Variants in SIRPA observed in about 807,000 individuals in gnomAD.
SIRPA encodes the protein signal regulatory protein alpha.
Under a neutral mutation model 50.3 loss-of-function variants are expected in SIRPA, and 9 were observed. The ratio of observed to expected loss-of-function variants is 0.18; its 90% CI spans 0.11 to 0.31. The LOEUF is 0.31. SIRPA is among the 10% of genes least tolerant of loss of function. The pLI is 1.00. For missense variants in SIRPA, 474 were observed against 661.6 expected (o/e 0.72, Z 3.11); for synonymous variants, 265 against 284.1 (o/e 0.93, Z 0.68).
rs1274671549 is a variant in SIRPA at position 1,940,592 on chromosome 20, A to G, written c.*3024A>G. 3.3e-5 allele frequency: 5 copies of G among 152,206 alleles called. No homozygotes were observed. The highest frequency in any genetic ancestry group is 7.2e-5 in the African/African-American group (3 of 41,454). The allele number at this position is 152,206 out of a possible 1,614,324, so 9.4% of individuals were successfully genotyped here. ...ATAAAGTTAAGGCATAAATATGTTA[A>G]TATTTAGTGGTTACTATGTGTCAAC... On this transcript the variant is annotated 3_prime_UTR_variant, in exon 8 of 8. Coordinates refer to ENST00000358771, the MANE Select transcript of SIRPA (RefSeq NM_001040023.2).
In SIRPA at chr20:1,940,099, G is replaced by A. The variant is rs1986792889; in HGVS notation, c.*2531G>A. The A allele has an allele frequency of 6.6e-6, 1 of 152,244 alleles. No individual in the cohort carries two copies. The highest frequency in any genetic ancestry group is 2.1e-4 in the South Asian group (1 of 4,826). 9.4% of individuals were successfully genotyped at this position (152,244 alleles called of 1,614,324 possible). A position where few individuals can be genotyped will look rare whatever the true frequency, so the allele number is the denominator to read the frequency against. ...GCTCAGAAGGAGCCGGTGTAAGGTT[G>A]AGATAAAATTCCATATAGACAACTG... On this transcript the variant is annotated 3_prime_UTR_variant, in exon 8 of 8. Transcript: ENST00000358771.
At position 1,927,927 on chromosome 20, in the gene SIRPA, T is replaced by G. The variant is rs781001855; in HGVS notation, c.1226+28T>G. On this transcript the variant is annotated intron_variant, in intron 6 of 7. Transcript: ENST00000358771. This position sits in a 1 kb window ranked among gnomAD's most constrained non-coding sequence, Gnocchi z 6.5. ...AAGTGCATCATTGGTCCAGACCCTC[T>G]TGCAGTTATTATTTGGTTATTTGAC... 3.7e-6 allele frequency: 6 copies of G among 1,605,262 alleles called. No individual in the cohort carries two copies. The South Asian group carries it at 6.6e-5, about 18-fold the overall frequency.
In SIRPA at chr20:1,927,205, T is replaced by G. The variant is rs1986031778; in HGVS notation, c.1202-670T>G. ...TGCATTTGGGTGTGCATGTTGCTTTTTAATTACAATTTTACAGCAAAATGG... is the reference window on the plus strand; with the variant it reads ...TGCATTTGGGTGTGCATGTTGCTTTGTAATTACAATTTTACAGCAAAATGG... On this transcript the variant is annotated intron_variant, in intron 5 of 7. Transcript: ENST00000358771. The surrounding 1 kb of genome is among the most constrained non-coding windows in gnomAD (Gnocchi z 6.5). 6.6e-6 allele frequency among the ~76,000 whole-genome samples: 1 copy of G among 152,216 alleles called. No homozygotes were observed. The highest frequency in any genetic ancestry group is 2.1e-4 in the South Asian group (1 of 4,826).
In SIRPA at chr20:1,936,357, T is replaced by C. The variant is rs1019992891; in HGVS notation, c.1267-963T>C. 6.6e-6 allele frequency among the ~76,000 whole-genome samples: 1 copy of C among 152,220 alleles called. No homozygotes were observed. Among genetic ancestry groups the C allele is most frequent in the Non-Finnish European group, 1.5e-5 (1 of 68,040 alleles). On this transcript the variant is annotated intron_variant, in intron 7 of 7. Coordinates refer to ENST00000358771, the MANE Select transcript of SIRPA (RefSeq NM_001040023.2). This position sits in a 1 kb window ranked among gnomAD's most constrained non-coding sequence, Gnocchi z 4.2. ...CAGATGCTCAATAGGTACCAGGCTC[T>C]GTTCTAAACGCTTTACCTGGATAAT...
chr20:1,909,742 A>G (rs1984775174), intron 1 of SIRPA, among the ~76,000 whole-genome samples: 1 of 152,202 alleles, frequency 6.6e-6, no homozygotes, highest in South Asian at 2.1e-4. Context: ...AGATTGTGCC[A>G]TTGCACTCCA....
rs193151334 is a variant in SIRPA, at chr20:1,904,766, C to T, written c.79+9240C>T. ...CAGCCTCAGTTTCCCCTTCTGTGAC[C>T]GGGAGGCTTGGCTCGGCTCCTCTCT... is the stretch of plus-strand genomic sequence containing the variant. On this transcript the variant is annotated intron_variant, in intron 1 of 7. Coordinates refer to ENST00000358771, the MANE Select transcript of SIRPA (RefSeq NM_001040023.2). Among the ~76,000 whole-genome samples the T allele has an allele frequency of 5.7e-3, 866 of 152,266 alleles. 3 individuals carry two copies. Among genetic ancestry groups the T allele is most frequent in the Middle Eastern group, 0.02 (6 of 294 alleles).
chr20:1,933,704 A>G lies in SIRPA; in HGVS notation c.1227-1011A>G, dbSNP rs1568514629. On this transcript the variant is annotated intron_variant, in intron 6 of 7. Transcript: ENST00000358771. This position sits in a 1 kb window ranked among gnomAD's most constrained non-coding sequence, Gnocchi z 4.4. ...AGCACTCATGCCAAATCCATTAATA[A>G]CCCTGCTGCCAAGCCCCACTGCTCA... Among the ~76,000 whole-genome samples the G allele has an allele frequency of 6.6e-6, 1 of 152,038 alleles. No individual in the cohort carries two copies.
intron 3 of SIRPA, 68 bp from the exon 4 acceptor site, chr20:1,922,245 C>G: frequency 6.3e-7 from 1 of 1,596,812 alleles, no homozygotes. Context: ...GGGGGAGCTA[C>G]GTTATGGAGC....
intron 3 of SIRPA, 117 bp from the exon 4 acceptor site, chr20:1,922,196 G>T: frequency 1.6e-6 from 2 of 1,277,548 alleles, no homozygotes; most frequent in East Asian, 2.5e-5. Flanking sequence ...AGCACCTGAT[G>T]CCTGCCTAGC....
chr20:1,895,806 GC>G (rs1394766010), intron 1 of SIRPA, among the ~76,000 whole-genome samples: 1 of 152,214 alleles, frequency 6.6e-6, no homozygotes, highest in Non-Finnish European at 1.5e-5. Flanking sequence ...GAGCCGAGTT[GC>G]TTCACTCAGC....
At chr20:1,930,104 G>A (rs912927208) in intron 6 of SIRPA, among the ~76,000 whole-genome samples, 2 of 152,160 alleles carry the variant, frequency 1.3e-5, no homozygotes, top group African/African-American at 2.4e-5. Flanking sequence ...GGGGTGGCAG[G>A]CACAGTGGGC....
At chr20:1,895,355 G>A (rs573587242), upstream of SIRPA, 9 of 746,102 alleles carry the variant, frequency 1.2e-5, no homozygotes, top group South Asian at 6.0e-5. Flanking sequence ...AGGGGGGAAG[G>A]GGGGGAGCCT....
At chr20:1,935,955 T>C (rs1986553045) in intron 7 of SIRPA, among the ~76,000 whole-genome samples, 1 of 152,090 alleles carries the variant, frequency 6.6e-6, no homozygotes, top group Admixed American at 6.5e-5. Flanking sequence ...TCCAACACAC[T>C]TTGGTTCTTT....
At chr20:1,931,794 G>A (rs578096910) in intron 6 of SIRPA, among the ~76,000 whole-genome samples, 1 of 152,296 alleles carries the variant, frequency 6.6e-6, no homozygotes, top group Admixed American at 6.5e-5. Context: ...ACAGAATATT[G>A]TCTGTAATCT....
At chr20:1,905,102 C>G (rs1984467049) in intron 1 of SIRPA, among the ~76,000 whole-genome samples, 2 of 152,202 alleles carry the variant, frequency 1.3e-5, no homozygotes, top group East Asian at 1.9e-4. Context: ...GCAAAATGCT[C>G]TATAAAAGGA....
chr20:1,907,317 A>G (rs1213008173), intron 1 of SIRPA, among the ~76,000 whole-genome samples: 1 of 152,206 alleles, frequency 6.6e-6, no homozygotes, highest in Non-Finnish European at 1.5e-5. Context: ...TCCCTGCCCA[A>G]TGGGTGTATC....
chr20:1,915,527 G>A, intron 2 of SIRPA, 72 bp downstream of exon 2: 1 of 1,549,230 alleles, frequency 6.5e-7, no homozygotes, highest in Non-Finnish European at 8.9e-7. Flanking sequence ...TCCATTCTTT[G>A]AGCAATGATC....
chr20:1,922,801 C>G (rs1441414571), intron 4 of SIRPA, among the ~76,000 whole-genome samples, 156 bp downstream of exon 4: 2 of 152,154 alleles, frequency 1.3e-5, no homozygotes, highest in Non-Finnish European at 2.9e-5. Context: ...TCCCCAAATC[C>G]CACACTCCAA....
intron 1 of SIRPA, among the ~76,000 whole-genome samples, chr20:1,914,799 C>T (rs2123089883): frequency 7.2e-6 from 1 of 139,126 alleles, no homozygotes; most frequent in East Asian, 2.5e-4. Flanking sequence ...AGGCTCCCTT[C>T]TGGCTCATTC....
Sources: allele counts gnomAD v4.1 joint callset (sites outside exome capture counted in the v4.1 genomes callset), GRCh38; gene constraint gnomAD v4.1.1; non-coding constraint Gnocchi (gnomAD v3.1); transcripts MANE v1.5; gene names NCBI Gene and HGNC (gene_info 2026-07-23, HGNC 2026-07-21).